CHSY3: variants seen among roughly 807,000 people sequenced by gnomAD.
The protein encoded by CHSY3 is chondroitin sulfate synthase 3, also known as N-acetylgalactosaminyl-proteoglycan 3-beta-glucuronosyltransferase 3.
CHSY3 carries 35 observed loss-of-function variants against 67.2 expected under a neutral mutation model. That is an observed-to-expected ratio of 0.52 (90% confidence interval 0.40 to 0.69). The LOEUF is 0.69. CHSY3 is among the 30% of genes least tolerant of loss of function. The pLI, the probability that CHSY3 is intolerant of heterozygous loss-of-function variation, is 0.00. For missense variants in CHSY3, 1,069 were observed against 1,138.5 expected (o/e 0.94, Z 0.88); for synonymous variants, 474 against 434.7 (o/e 1.09, Z -1.12).
At chr5:129,946,965 T>A (rs1761873901) in intron 2 of CHSY3, among the ~76,000 whole-genome samples, 1 of 152,276 alleles carries the variant, frequency 6.6e-6, no homozygotes, top group South Asian at 2.1e-4. Flanking sequence ...GATCATATGG[T>A]AGTTGTATTT....
intron 2 of CHSY3, among the ~76,000 whole-genome samples, chr5:129,956,283 G>C (rs1270260124): frequency 6.6e-6 from 1 of 152,000 alleles, no homozygotes; most frequent in Non-Finnish European, 1.5e-5. Context: ...TTGTGGGTTT[G>C]ATTTTCATTT....
At chr5:129,954,829 G>A (rs1329194157) in intron 2 of CHSY3, among the ~76,000 whole-genome samples, 1 of 152,020 alleles carries the variant, frequency 6.6e-6, no homozygotes, top group Non-Finnish European at 1.5e-5. Context: ...CATTGATTTT[G>A]TATCATGAGA....
intron 2 of CHSY3, among the ~76,000 whole-genome samples, chr5:130,076,280 C>G (rs1409780487): frequency 6.6e-6 from 1 of 151,820 alleles, no homozygotes; most frequent in Non-Finnish European, 1.5e-5. Context: ...GACACCCTGT[C>G]CTCCCAGCTA....
intron 2 of CHSY3, among the ~76,000 whole-genome samples, chr5:129,963,246 C>G (rs1031854136): frequency 6.6e-6 from 1 of 151,850 alleles, no homozygotes; most frequent in Non-Finnish European, 1.5e-5. Context: ...TCTCTATAGT[C>G]TTTTGATGTT....
chr5:130,115,095 T>A (rs1767746932), intron 2 of CHSY3, among the ~76,000 whole-genome samples: 1 of 151,776 alleles, frequency 6.6e-6, no homozygotes, highest in South Asian at 2.1e-4. Context: ...TTTTTTTTTT[T>A]ATTGTAGGTA....
chr5:129,995,537 C>G (rs569924601), intron 2 of CHSY3, among the ~76,000 whole-genome samples: 68 of 148,070 alleles, frequency 4.6e-4, no homozygotes, highest in African/African-American at 1.7e-3. Flanking sequence ...GAGACAGAGT[C>G]TCACTCTGTT....
intron 2 of CHSY3, among the ~76,000 whole-genome samples, chr5:130,023,029 C>G (rs753997565): frequency 1.3e-5 from 2 of 151,904 alleles, no homozygotes; most frequent in Non-Finnish European, 2.9e-5. Flanking sequence ...TAAACAATGA[C>G]TAGAATGTCC....
In CHSY3 at chr5:130,153,315, C is replaced by G. The variant is rs371137415; in HGVS notation, c.1087-30914C>G. On this transcript the variant is annotated intron_variant, in intron 2 of 2. Transcript: ENST00000305031. ...CCATTCTTGAGAAAAAAAAAACATA[C>G]GACATAATTCACCAACTGCTTAAAA... Among the ~76,000 whole-genome samples, 323 of 152,042 alleles carry G rather than the reference C, an allele frequency of 2.1e-3. 6 individuals are homozygous for G. The South Asian group carries it at 0.035, about 17-fold the overall frequency.
At chr5:130,074,589 A>G (rs1301742547) in intron 2 of CHSY3, among the ~76,000 whole-genome samples, 1 of 152,192 alleles carries the variant, frequency 6.6e-6, no homozygotes, top group East Asian at 1.9e-4. Flanking sequence ...CTTATGAAAG[A>G]TCCAACTATT....
intron 2 of CHSY3, among the ~76,000 whole-genome samples, chr5:130,108,999 A>G (rs1767506572): frequency 6.6e-6 from 1 of 151,760 alleles, no homozygotes; most frequent in Admixed American, 6.6e-5. Context: ...AGACATATGA[A>G]GCCCTCAAGT....
chr5:130,027,567 A>G (rs914286474), intron 2 of CHSY3, among the ~76,000 whole-genome samples: 3 of 151,894 alleles, frequency 2.0e-5, no homozygotes, highest in African/African-American at 7.3e-5. Flanking sequence ...GGTGTGCTGC[A>G]CCCATTAACT....
chr5:129,950,441 G>T (rs552546112), intron 2 of CHSY3, among the ~76,000 whole-genome samples: 2 of 152,176 alleles, frequency 1.3e-5, no homozygotes, highest in South Asian at 4.1e-4. Flanking sequence ...GGTAAATAAA[G>T]AAAGAAAAGG....
intron 2 of CHSY3, among the ~76,000 whole-genome samples, chr5:130,106,623 G>T (rs1240365326): frequency 6.6e-6 from 1 of 151,564 alleles, no homozygotes; most frequent in East Asian, 1.9e-4. Context: ...TGGTGGGAAG[G>T]CATTGAACAC....
chr5:130,019,085 AC>A (rs1405378136), intron 2 of CHSY3, among the ~76,000 whole-genome samples: 2 of 152,046 alleles, frequency 1.3e-5, no homozygotes, highest in Non-Finnish European at 2.9e-5. Flanking sequence ...TTTATTAACT[AC>A]CCAGTCTCAG....
intron 2 of CHSY3, among the ~76,000 whole-genome samples, chr5:130,020,984 G>A (rs1764373972): frequency 6.6e-6 from 1 of 152,016 alleles, no homozygotes; most frequent in Non-Finnish European, 1.5e-5. Flanking sequence ...TGTGTCCTCC[G>A]TAATTGGTGT....
intron 2 of CHSY3, among the ~76,000 whole-genome samples, chr5:130,120,444 C>G (rs1256090301): frequency 6.9e-6 from 1 of 145,578 alleles, no homozygotes; most frequent in African/African-American, 2.6e-5. Flanking sequence ...CAATCAATCT[C>G]TCAAACAGAC....
intron 2 of CHSY3, among the ~76,000 whole-genome samples, chr5:130,048,642 C>T (rs768107869): frequency 6.6e-6 from 1 of 152,052 alleles, no homozygotes; most frequent in Non-Finnish European, 1.5e-5. Context: ...TCTGCTCTCT[C>T]TCTCTCTGCC....
At chr5:130,153,617 T>G (rs1343462517) in intron 2 of CHSY3, among the ~76,000 whole-genome samples, 2 of 152,164 alleles carry the variant, frequency 1.3e-5, no homozygotes, top group Admixed American at 6.5e-5. Flanking sequence ...TACTTCAGCA[T>G]GCATCACACT....
intron 2 of CHSY3, among the ~76,000 whole-genome samples, chr5:130,117,037 C>T (rs1407686025): frequency 6.6e-6 from 1 of 152,090 alleles, no homozygotes; most frequent in Non-Finnish European, 1.5e-5. Context: ...GCAGTGTATC[C>T]TTTCAGTACC....
Sources: allele counts gnomAD v4.1 joint callset (sites outside exome capture counted in the v4.1 genomes callset), GRCh38; gene constraint gnomAD v4.1.1; transcripts MANE v1.5; gene names NCBI Gene and HGNC (gene_info 2026-07-23, HGNC 2026-07-21).